The following FARS2 variants were observed in gnomAD, a reference collection of about 807,000 sequenced individuals.
FARS2 encodes the protein phenylalanine--tRNA ligase, mitochondrial.
Under a neutral mutation model 46.4 loss-of-function variants are expected in FARS2, and 40 were observed. The observed-to-expected ratio is 0.86, with a 90% CI of 0.67 to 1.12. The LOEUF is 1.12. Ranked by LOEUF, FARS2 falls within the 50% of genes most tolerant of loss-of-function variation. FARS2 has a pLI of 0.00. For missense variants in FARS2, 513 were observed against 567.9 expected, an observed-to-expected ratio of 0.90 and a Z score of 0.98; for synonymous variants, 234 against 214.9, an observed-to-expected ratio of 1.09 and a Z score of -0.78.
intron 2 of FARS2, among the ~76,000 whole-genome samples, chr6:5,381,319 C>A (rs1490246990): frequency 1.3e-5 from 2 of 149,978 alleles, no homozygotes; most frequent in Admixed American, 1.3e-4. Context: ...TTCTAATTTT[C>A]TTTTCTTTTC....
chr6:5,746,635 A>AT (rs1761659452), intron 6 of FARS2, among the ~76,000 whole-genome samples: 1 of 150,934 alleles, frequency 6.6e-6, no homozygotes, highest in Non-Finnish European at 1.5e-5. Context: ...TGTCAGGAGA[A>AT]AGCAGGGTGG....
At chr6:5,253,970 C>T in the FARS2 span, among the ~76,000 whole-genome samples, 1 of 152,274 alleles carries the variant, frequency 6.6e-6, no homozygotes, top group South Asian at 2.1e-4. Context: ...AGCTCAGTGG[C>T]TGGACCAAGA....
intron 1 of FARS2, among the ~76,000 whole-genome samples, chr6:5,285,270 G>A (rs576092755): frequency 2.6e-5 from 4 of 152,232 alleles, no homozygotes; most frequent in South Asian, 2.1e-4. Context: ...TCCAGGAGGC[G>A]ACCGAGGGGA....
chr6:5,629,745 G>A (rs1776212362), intron 6 of FARS2, among the ~76,000 whole-genome samples: 1 of 152,166 alleles, frequency 6.6e-6, no homozygotes, highest in African/African-American at 2.4e-5. Flanking sequence ...AATAGTCTGA[G>A]TGACAGGAGA....
At position 5,269,670 on chromosome 6, in the gene FARS2, C is replaced by G. The variant is rs73365012; in HGVS notation, c.-22+8010C>G. Among the ~76,000 whole-genome samples the G allele has an allele frequency of 8.2e-3, 1,254 of 152,210 alleles. 4 individuals are homozygous for G. The highest frequency in any genetic ancestry group is 0.041 in the Middle Eastern group (12 of 294). On this transcript the variant is annotated intron_variant, in intron 1 of 6. Transcript: ENST00000274680. ...ACATTTAGAATTTGCAGTGTTGAGT[C>G]TGTTTACAAAAAACAGCCTACATTT...
intron 3 of FARS2, among the ~76,000 whole-genome samples, chr6:5,408,200 A>T (rs1354643760): frequency 1.3e-5 from 2 of 152,152 alleles, no homozygotes; most frequent in African/African-American, 4.8e-5. Context: ...TCCTTGGGAA[A>T]CATAGGATGT....
At chr6:5,573,766 C>T (rs556136444) in intron 5 of FARS2, among the ~76,000 whole-genome samples, 1 of 152,296 alleles carries the variant, frequency 6.6e-6, no homozygotes, top group South Asian at 2.1e-4. Flanking sequence ...CTCTCTGCTT[C>T]TGGGCATGGG....
chr6:5,675,248 G>A (rs1420653251), intron 6 of FARS2, among the ~76,000 whole-genome samples: 1 of 150,902 alleles, frequency 6.6e-6, no homozygotes, highest in Non-Finnish European at 1.5e-5. Flanking sequence ...ACGGTGCTAT[G>A]TAGTAGCTGG....
At chr6:5,403,248 A>G (rs759596066) in intron 2 of FARS2, among the ~76,000 whole-genome samples, 22 of 152,182 alleles carry the variant, frequency 1.4e-4, no homozygotes, top group Non-Finnish European at 2.2e-4. Context: ...TCATCTTCGT[A>G]GCCTGAAGCT....
At chr6:5,409,357 A>G (rs1180615577) in intron 3 of FARS2, among the ~76,000 whole-genome samples, 2 of 152,152 alleles carry the variant, frequency 1.3e-5, no homozygotes, top group Non-Finnish European at 2.9e-5. Flanking sequence ...AGGCTGAGGC[A>G]GGAGAATCGC....
At position 5,288,733 on chromosome 6, in the gene FARS2, A is replaced by C. The variant is rs375083386; in HGVS notation, c.-22+27073A>C. Reference sequence around the variant, plus strand: ...CCATTCTTCTCATGGAGCTCAAGAAAATGCTCTTAAAAGACAGAGAATTAG... The same window carrying C: ...CCATTCTTCTCATGGAGCTCAAGAACATGCTCTTAAAAGACAGAGAATTAG... On this transcript the variant is annotated intron_variant, in intron 1 of 6. Coordinates refer to ENST00000274680, the MANE Select transcript of FARS2 (RefSeq NM_006567.5). Among the ~76,000 whole-genome samples the C allele has an allele frequency of 5.9e-5, 9 of 152,292 alleles. No homozygotes were observed. The South Asian group carries it at 1.5e-3, about 25-fold the overall frequency.
intron 4 of FARS2, among the ~76,000 whole-genome samples, chr6:5,475,570 T>G (rs1302925711): frequency 6.6e-6 from 1 of 152,182 alleles, no homozygotes; most frequent in African/African-American, 2.4e-5. Context: ...AGGTAGAATC[T>G]CGGCTCTAGC....
At chr6:5,392,854 ATGTG>A (rs1157745578) in intron 2 of FARS2, among the ~76,000 whole-genome samples, 5 of 146,746 alleles carry the variant, frequency 3.4e-5, no homozygotes, top group Admixed American at 6.8e-5. Flanking sequence ...TATATATTAT[ATGTG>A]TGTGTATATA....
At chr6:5,424,777 C>G (rs1191911290) in intron 3 of FARS2, among the ~76,000 whole-genome samples, 1 of 152,068 alleles carries the variant, frequency 6.6e-6, no homozygotes, top group Non-Finnish European at 1.5e-5. Context: ...ATTTCCTATT[C>G]AAAACAAAAC....
At chr6:5,580,815 G>T (rs925427829) in intron 5 of FARS2, among the ~76,000 whole-genome samples, 1 of 152,154 alleles carries the variant, frequency 6.6e-6, no homozygotes, top group Non-Finnish European at 1.5e-5. Context: ...GTCCACATTG[G>T]ATACTGGTTC....
chr6:5,652,025 T>G (rs1320383681), intron 6 of FARS2, among the ~76,000 whole-genome samples: 1 of 152,102 alleles, frequency 6.6e-6, no homozygotes, highest in East Asian at 1.9e-4. Context: ...AGCTCAGTAG[T>G]GACCTGAACA....
intron 1 of FARS2, among the ~76,000 whole-genome samples, chr6:5,270,518 C>T (rs1765870298): frequency 1.3e-5 from 2 of 152,162 alleles, no homozygotes; most frequent in Non-Finnish European, 2.9e-5. Flanking sequence ...AGAAGAGATT[C>T]CACGTGTGTC....
At chr6:5,373,561 GAAATGTTTAACCAATGCTAAGGGTTTAGA>G (rs1253212093) in intron 2 of FARS2, among the ~76,000 whole-genome samples, 1 of 152,116 alleles carries the variant, frequency 6.6e-6, no homozygotes, top group African/African-American at 2.4e-5. Flanking sequence ...TAAGTACTAG[GAAATGTTTAACCAATGCTAAGGGTTTAGA>G]AATGTTTATG....
intron 5 of FARS2, among the ~76,000 whole-genome samples, chr6:5,580,321 G>A (rs576277869): frequency 0.012 from 1,774 of 150,872 alleles, 37 homozygotes; most frequent in African/African-American, 0.04. Flanking sequence ...AGGAGGGAGG[G>A]AGGAAGGAAG....
Sources: gnomAD v4.1 joint callset for allele counts (sites outside exome capture counted in the v4.1 genomes callset) on GRCh38, gnomAD v4.1.1 for gene constraint, MANE v1.5 for transcripts, NCBI Gene and HGNC (gene_info 2026-07-23, HGNC 2026-07-21) for gene names.